FAT3: variants seen among roughly 807,000 people sequenced by gnomAD.
FAT3 encodes the protein protocadherin Fat 3.
A neutral mutation model predicts 310.2 loss-of-function variants in FAT3; 95 were observed. The observed-to-expected ratio is 0.31, with a 90% CI of 0.26 to 0.36. FAT3 has a LOEUF of 0.36. Ranked by LOEUF, FAT3 falls within the 10% of genes least tolerant of loss-of-function variation. The pLI, the probability that FAT3 is intolerant of heterozygous loss-of-function variation, is 1.00. For missense variants in FAT3, 5,408 were observed against 5,715.6 expected, an observed-to-expected ratio of 0.95 and a Z score of 1.74; for synonymous variants, 2,314 against 2,192.9, an observed-to-expected ratio of 1.06 and a Z score of -1.54.
rs781463094 is a variant in FAT3 at position 92,801,519 on chromosome 11, G to C, written c.8506G>C (p.Val2836Leu). ...GMPVGTKLTQ[V>L]RAIDMDWGAN... is the part of the protein sequence containing the mutation. The stretch of plus-strand genomic sequence containing the variant: ...GCCTGTTGGCACCAAACTCACACAA[G>C]TGAGAGCTATTGATATGGACTGGGG... Residue 2836 changes from valine (V) to leucine (L), a missense_variant, in exon 10 of 28, where the codon GTG becomes CTG. By Grantham distance (32) the Val-to-Leu change is conservative (BLOSUM62 1). Around this residue, in one of 5 missense-constraint regions of FAT3, gnomAD observed 4,588 missense variants for 4,809.8 expected, o/e 0.95. Transcript: ENST00000525166. 2 of 1,610,576 alleles carry C rather than the reference G, an allele frequency of 1.2e-6. No individual in the cohort carries two copies. Among genetic ancestry groups the C allele is most frequent in the South Asian group, 2.2e-5 (2 of 90,384 alleles).
chr11:92,688,123 G>A (rs1195909426), intron 3 of FAT3, among the ~76,000 whole-genome samples: 1 of 151,990 alleles, frequency 6.6e-6, no homozygotes, highest in East Asian at 1.9e-4. Flanking sequence ...TATTGCCTGA[G>A]CCCAGGAATT....
intron 2 of FAT3, among the ~76,000 whole-genome samples, chr11:92,510,966 A>C (rs778916917): frequency 2.0e-5 from 3 of 152,218 alleles, no homozygotes; most frequent in Non-Finnish European, 4.4e-5. Flanking sequence ...GGTGGAGGCA[A>C]ATCTGTGGAT....
intron 2 of FAT3, among the ~76,000 whole-genome samples, chr11:92,459,827 G>T (rs1951590356): frequency 6.6e-6 from 1 of 152,034 alleles, no homozygotes; most frequent in Non-Finnish European, 1.5e-5. Context: ...TAGGAATCCG[G>T]TTGTTGTAGG....
chr11:92,411,581 C>T (rs935277141), intron 2 of FAT3, among the ~76,000 whole-genome samples: 5 of 152,040 alleles, frequency 3.3e-5, no homozygotes, highest in African/African-American at 1.2e-4. Context: ...AAAACACTGG[C>T]TGTGTTTCGC....
At chr11:92,529,754 C>T (rs1954004468) in intron 3 of FAT3, among the ~76,000 whole-genome samples, 1 of 152,192 alleles carries the variant, frequency 6.6e-6, no homozygotes, top group Non-Finnish European at 1.5e-5. Flanking sequence ...CAATGGTTCA[C>T]TGTCCAGGGC....
chr11:92,631,780 A>C lies in FAT3; in HGVS notation c.3608-65604A>C, dbSNP rs1941569089. 1.3e-5 allele frequency among the ~76,000 whole-genome samples: 2 copies of C among 152,162 alleles called. 1 individual carries two copies. The highest frequency in any genetic ancestry group is 2.9e-5 in the Non-Finnish European group (2 of 68,038). ...AAAACCTATAATTCTTTTTTTCCTC[A>C]GTAAACCAGAGACAAGCAGAAAGTG... is the stretch of plus-strand genomic sequence containing the variant. On this transcript the variant is annotated intron_variant, in intron 3 of 27. Coordinates refer to ENST00000525166, the MANE Select transcript of FAT3 (RefSeq NM_001367949.2).
intron 3 of FAT3, among the ~76,000 whole-genome samples, chr11:92,578,624 A>C (rs943135834): frequency 6.6e-6 from 1 of 152,170 alleles, no homozygotes; most frequent in Admixed American, 6.5e-5. Flanking sequence ...AAACAGTGCT[A>C]TCTTCCAGCT....
intron 3 of FAT3, among the ~76,000 whole-genome samples, chr11:92,580,590 T>G (rs1938735569): frequency 6.6e-6 from 1 of 152,106 alleles, no homozygotes; most frequent in Non-Finnish European, 1.5e-5. Flanking sequence ...AGAAGCACTT[T>G]GAAGATGTTG....
At chr11:92,294,300 T>G (rs1026957375) in intron 1 of FAT3, among the ~76,000 whole-genome samples, 1 of 152,040 alleles carries the variant, frequency 6.6e-6, no homozygotes, top group Non-Finnish European at 1.5e-5. Flanking sequence ...CCTTAATTAC[T>G]TCCATAAAGA....
At chr11:92,466,044 A>G (rs1436821918) in intron 2 of FAT3, among the ~76,000 whole-genome samples, 2 of 152,180 alleles carry the variant, frequency 1.3e-5, no homozygotes, top group African/African-American at 2.4e-5. Flanking sequence ...TCTTAATTCT[A>G]TACAGCAGGT....
At chr11:92,706,203 C>T (rs1944346906) in intron 4 of FAT3, among the ~76,000 whole-genome samples, 1 of 152,006 alleles carries the variant, frequency 6.6e-6, no homozygotes, top group South Asian at 2.1e-4. Context: ...AAGAATAATC[C>T]TTTCTGAGAT....
chr11:92,887,987 T>C (rs527942945), intron 25 of FAT3, among the ~76,000 whole-genome samples: 1 of 152,348 alleles, frequency 6.6e-6, no homozygotes, highest in Admixed American at 6.5e-5. Flanking sequence ...ATGTAATCAT[T>C]CAATCTATAA....
chr11:92,859,103 T>C (rs1949056239), intron 20 of FAT3, 62 bp from the exon 21 acceptor site: 3 of 1,498,824 alleles, frequency 2.0e-6, no homozygotes, highest in Non-Finnish European at 2.7e-6. Flanking sequence ...GGTGATTTCA[T>C]GTGTCTCTGT....
intron 1 of FAT3, among the ~76,000 whole-genome samples, chr11:92,263,325 T>C (rs1003898516): frequency 4.6e-5 from 7 of 151,258 alleles, no homozygotes; most frequent in East Asian, 1.9e-4. Flanking sequence ...CACACACATA[T>C]ACACACACAC....
chr11:92,769,780 A>G (rs913661499), intron 6 of FAT3, among the ~76,000 whole-genome samples: 10 of 152,190 alleles, frequency 6.6e-5, no homozygotes, highest in Non-Finnish European at 1.3e-4. Context: ...GTGTTGCAGG[A>G]AGGCTGCTTT....
chr11:92,410,203 G>GA (rs1389246086), intron 2 of FAT3, among the ~76,000 whole-genome samples: 4 of 152,060 alleles, frequency 2.6e-5, no homozygotes, highest in African/African-American at 9.7e-5. Flanking sequence ...TACAAATCCA[G>GA]AAGTCCTTTG....
At chr11:92,645,863 C>T (rs140573091) in intron 3 of FAT3, among the ~76,000 whole-genome samples, 25 of 152,342 alleles carry the variant, frequency 1.6e-4, no homozygotes, top group African/African-American at 6.0e-4. Context: ...CCAGCTCCTA[C>T]AACATTGCCT....
intron 3 of FAT3, among the ~76,000 whole-genome samples, chr11:92,586,705 T>A (rs1939174865): frequency 6.6e-6 from 1 of 152,030 alleles, no homozygotes; most frequent in African/African-American, 2.4e-5. Context: ...CTACTAATCA[T>A]GATTAAAATG....
chr11:92,407,517 A>G (rs1425523800), intron 2 of FAT3, among the ~76,000 whole-genome samples: 1 of 152,168 alleles, frequency 6.6e-6, no homozygotes, highest in Non-Finnish European at 1.5e-5. Flanking sequence ...CAGTTCATGC[A>G]TTTACTGTAG....
Sources: allele counts gnomAD v4.1 joint callset (sites outside exome capture counted in the v4.1 genomes callset), GRCh38; gene constraint gnomAD v4.1.1; regional missense constraint gnomAD v4.1.1; transcripts MANE v1.5; gene names NCBI Gene and HGNC (gene_info 2026-07-23, HGNC 2026-07-21).